THADA: variants seen among roughly 807,000 people sequenced by gnomAD.
THADA encodes the protein tRNA (32-2'-O)-methyltransferase regulator THADA.
A neutral mutation model predicts 219.8 loss-of-function variants in THADA; 213 were observed. The ratio of observed to expected loss-of-function variants is 0.97; its 90% CI spans 0.87 to 1.09. The LOEUF (loss-of-function observed/expected upper bound fraction) is 1.09, where lower values mean the gene tolerates loss of function less well. Among genes scored for constraint, THADA ranks in the 50% least tolerant of loss-of-function variants. THADA has a pLI of 0.00. For synonymous variants in THADA, 1,018 were observed against 828.9 expected (o/e 1.23, Z -3.92); for missense variants, 2,956 against 2,311.3 (o/e 1.28, Z -5.72).
intron 26 of THADA, among the ~76,000 whole-genome samples, chr2:43,442,143 T>G (rs142749470): frequency 1.3e-5 from 2 of 152,146 alleles, no homozygotes; most frequent in East Asian, 3.9e-4. Flanking sequence ...TGTGGGGAAA[T>G]TGGAAACCAA....
chr2:43,316,632 T>C lies in THADA; in HGVS notation c.4438+3814A>G, dbSNP rs115313894. On this transcript the variant is annotated intron_variant, in intron 31 of 37. Transcript: ENST00000405975. Reference sequence around the variant, plus strand: ...GATTAGATGCATAGCTTCCAGCGAATAATAATGATAATAGGCTGGGCACGG... The same window carrying C: ...GATTAGATGCATAGCTTCCAGCGAACAATAATGATAATAGGCTGGGCACGG... Among the ~76,000 whole-genome samples, 1,496 of 152,248 alleles carry C rather than the reference T, an allele frequency of 9.8e-3. 25 individuals carry two copies. The highest frequency in any genetic ancestry group is 0.034 in the African/African-American group (1,421 of 41,544).
chr2:43,467,164 A>C (rs1452418480), intron 26 of THADA, among the ~76,000 whole-genome samples: 2 of 117,170 alleles, frequency 1.7e-5, no homozygotes, highest in Non-Finnish European at 3.4e-5. Context: ...CCTGGGCGAC[A>C]GAGCGAGACT....
rs954063221 is a variant in THADA at position 43,480,823 on chromosome 2, GGA to G, written c.3836+4409_3836+4410del. On this transcript the variant is annotated intron_variant, in intron 26 of 37. Transcript: ENST00000405975. ...ACAGTGCGAGACTCTGTCTTGGGGG[GGA>G]AAAAAAAAAAAAAGAAAAAAAAATT... is the stretch of plus-strand genomic sequence containing the variant. Among the ~76,000 whole-genome samples the G allele has an allele frequency of 5.5e-5, 8 of 145,286 alleles. No homozygotes were observed. The East Asian group carries it at 5.8e-4, about 11-fold the overall frequency.
chr2:43,419,432 C>T (rs894780097), intron 28 of THADA, among the ~76,000 whole-genome samples: 5 of 152,126 alleles, frequency 3.3e-5, no homozygotes, highest in South Asian at 2.1e-4. Flanking sequence ...TAGAAATAGA[C>T]GGTGGGGGCC....
intron 29 of THADA, among the ~76,000 whole-genome samples, chr2:43,383,165 AGAAAT>A (rs1469606517): frequency 1.3e-5 from 2 of 152,344 alleles, no homozygotes; most frequent in East Asian, 3.9e-4. Flanking sequence ...TTGAAAAAGA[AGAAAT>A]AATATTAATA....
Position 43,570,454 on chromosome 2 carries a change from T to A in THADA, c.2121A>T (p.Lys707Asn). 1 of 1,613,590 alleles carries A rather than the reference T, an allele frequency of 6.2e-7. No individual in the cohort carries two copies. Among genetic ancestry groups the A allele is most frequent in the South Asian group, 1.1e-5 (1 of 91,016 alleles). ...ACTCATTCTCTGGTTCACGTTTGGA[T>A]TTACTCTGCTCCAATTTATAAAGTA... is the stretch of plus-strand genomic sequence containing the variant. ...SQVLYKLEQS[K>N]SKREPENELT... The change falls in exon 14 of 38, where the codon AAA becomes AAT. Residue 707 changes from lysine (K) to asparagine (N), a missense_variant. Physicochemically the swap from Lys to Asn is moderately conservative, Grantham distance 94 (BLOSUM62 0). Transcript: ENST00000405975.
chr2:43,306,352 T>C (rs1203444052), intron 31 of THADA, among the ~76,000 whole-genome samples: 1 of 152,116 alleles, frequency 6.6e-6, no homozygotes, highest in Non-Finnish European at 1.5e-5. Context: ...AAGAACAGGA[T>C]TGGGAATCAG....
chr2:43,505,683 G>A lies in THADA; in HGVS notation c.3560C>T (p.Thr1187Ile), dbSNP rs764354021. 3 of 1,595,710 alleles carry A rather than the reference G, an allele frequency of 1.9e-6. No individual in the cohort carries two copies. Among genetic ancestry groups the A allele is most frequent in the Non-Finnish European group, 2.6e-6 (3 of 1,169,906 alleles). ...AGCCAAAGAGATTAACTCTTTCATTGTTATTTTCAACAAATCCATTCTGCC... is the reference window on the plus strand; with the variant it reads ...AGCCAAAGAGATTAACTCTTTCATTATTATTTTCAACAAATCCATTCTGCC... ...KKGRMDLLKI[T>I]MKELISLAGP... Residue 1187 changes from threonine (T) to isoleucine (I), a missense_variant, in exon 24 of 38, where the codon ACA becomes ATA. Coordinates refer to ENST00000405975, the MANE Select transcript of THADA (RefSeq NM_022065.5).
chr2:43,550,419 A>C (rs1696616867), intron 19 of THADA, among the ~76,000 whole-genome samples: 1 of 152,232 alleles, frequency 6.6e-6, no homozygotes, highest in African/African-American at 2.4e-5. Flanking sequence ...CAATGACCCC[A>C]AAAGAAACCA....
chr2:43,512,426 A>C (rs1010556436), intron 22 of THADA, among the ~76,000 whole-genome samples: 6 of 152,022 alleles, frequency 3.9e-5, no homozygotes, highest in Admixed American at 3.3e-4. Flanking sequence ...TGGAACTTCC[A>C]CCCTCCCTTT....
chr2:43,557,044 C>T (rs1049023847), intron 16 of THADA, among the ~76,000 whole-genome samples: 3 of 152,154 alleles, frequency 2.0e-5, no homozygotes, highest in African/African-American at 7.2e-5. Flanking sequence ...GATTGCACCA[C>T]TGTGCTCCAG....
intron 26 of THADA, among the ~76,000 whole-genome samples, chr2:43,479,578 A>C (rs1472833275): frequency 4.6e-5 from 7 of 152,092 alleles, no homozygotes; most frequent in Non-Finnish European, 2.9e-5. Context: ...GCACCAAACT[A>C]TTATCAAACA....
chr2:43,250,262 A>G (rs1375154723), intron 36 of THADA, among the ~76,000 whole-genome samples: 4 of 152,252 alleles, frequency 2.6e-5, no homozygotes, highest in Non-Finnish European at 5.9e-5. Flanking sequence ...TACAGCATGG[A>G]TGAACCTTGT....
intron 35 of THADA, among the ~76,000 whole-genome samples, chr2:43,284,528 C>A (rs1182805454): frequency 6.6e-6 from 1 of 152,172 alleles, no homozygotes; most frequent in Non-Finnish European, 1.5e-5. Flanking sequence ...GCCTAAAGTT[C>A]AGAGGGATGA....
At chr2:43,347,484 A>G (rs1667760154) in intron 29 of THADA, among the ~76,000 whole-genome samples, 1 of 152,246 alleles carries the variant, frequency 6.6e-6, no homozygotes, top group Non-Finnish European at 1.5e-5. Flanking sequence ...GAAAACAATT[A>G]AAACACATTT....
intron 25 of THADA, among the ~76,000 whole-genome samples, chr2:43,497,001 C>A (rs1688351776): frequency 6.6e-6 from 1 of 152,130 alleles, no homozygotes; most frequent in South Asian, 2.1e-4. Context: ...CATCTCACGC[C>A]AGTCAGAATG....
intron 1 of THADA, among the ~76,000 whole-genome samples, chr2:43,593,706 T>C (rs1701831689): frequency 6.7e-6 from 1 of 148,614 alleles, no homozygotes; most frequent in African/African-American, 2.5e-5. Context: ...CGATCTGCGC[T>C]CACTGCAAGC....
chr2:43,497,287 A>G (rs1419265457), intron 25 of THADA, among the ~76,000 whole-genome samples: 1 of 152,246 alleles, frequency 6.6e-6, no homozygotes, highest in East Asian at 1.9e-4. Context: ...GACCCAAACC[A>G]AATGCCCATC....
At chr2:43,377,087 CA>C (rs1055243675) in intron 29 of THADA, among the ~76,000 whole-genome samples, 2 of 152,138 alleles carry the variant, frequency 1.3e-5, no homozygotes, top group Admixed American at 6.5e-5. Flanking sequence ...GGGAGTGGCA[CA>C]ATATCGTGGA....
Sources: gnomAD v4.1 joint callset for allele counts (sites outside exome capture counted in the v4.1 genomes callset) on GRCh38, gnomAD v4.1.1 for gene constraint, MANE v1.5 for transcripts, NCBI Gene and HGNC (gene_info 2026-07-23, HGNC 2026-07-21) for gene names.